The following CACNA2D1 variants were observed in gnomAD, a reference collection of about 807,000 sequenced individuals.
CACNA2D1 encodes the protein voltage-dependent calcium channel subunit alpha-2/delta-1.
CACNA2D1 carries 53 observed loss-of-function variants against 171.5 expected under a neutral mutation model. That is an observed-to-expected ratio of 0.31 (90% CI 0.25 to 0.39). The LOEUF is 0.39. CACNA2D1 is among the 10% of genes least tolerant of loss of function. CACNA2D1 has a pLI of 1.00. For synonymous variants in CACNA2D1, 442 were observed against 443.1 expected (o/e 1.00, Z 0.03); for missense variants, 903 against 1,299.8 (o/e 0.69, Z 4.69).
intron 1 of CACNA2D1, among the ~76,000 whole-genome samples, chr7:82,376,444 G>A (rs1396413313): frequency 6.6e-6 from 1 of 152,068 alleles, no homozygotes; most frequent in African/African-American, 2.4e-5. Flanking sequence ...ACAACCATGA[G>A]ATAAAATATA....
chr7:82,158,547 T>A (rs1421317004), intron 4 of CACNA2D1, among the ~76,000 whole-genome samples: 1 of 151,942 alleles, frequency 6.6e-6, no homozygotes, highest in African/African-American at 2.4e-5. Flanking sequence ...CATGGGAATA[T>A]CAGTTTGTAA....
rs60799157 is a variant in CACNA2D1 at position 82,342,053 on chromosome 7, C to CAA, written c.178-6804_178-6803dup. Among the ~76,000 whole-genome samples the CAA allele has an allele frequency of 8.2e-3, 538 of 65,424 alleles. 22 individuals carry two copies. Among genetic ancestry groups the CAA allele is most frequent in the African/African-American group, 0.011 (202 of 18,378 alleles). The allele number at this position is 65,424 out of a possible 152,430, so 42.9% of individuals were successfully genotyped here. A position where few individuals can be genotyped will look rare whatever the true frequency, so the allele number is the denominator to read the frequency against. ...TGGGCTACAGCGCGAGACTCCGTCT[C>CAA]AAAAAAAAAAAAAAAAAAAAAAAAA... On this transcript the variant is annotated intron_variant, in intron 2 of 38. Coordinates refer to ENST00000356860, the MANE Select transcript of CACNA2D1 (RefSeq NM_000722.4).
At position 82,119,356 on chromosome 7, in the gene CACNA2D1, A is replaced by G. The variant is rs1337030345; in HGVS notation, c.397-2183T>C. 2.0e-5 allele frequency among the ~76,000 whole-genome samples: 3 copies of G among 152,316 alleles called. No individual in the cohort carries two copies. The East Asian group carries it at 5.8e-4, about 29-fold the overall frequency. On this transcript the variant is annotated intron_variant, in intron 5 of 38. Transcript: ENST00000356860. ...CATAATTCTCAGACTATTCTTCTCA[A>G]TATAATTTCAGCTATTAAATAATAG...
chr7:82,048,129 G>A (rs1169259150), intron 10 of CACNA2D1, among the ~76,000 whole-genome samples: 1 of 149,578 alleles, frequency 6.7e-6, no homozygotes, highest in Admixed American at 6.6e-5. Context: ...ACATTAAATT[G>A]TATCTGGGAT....
intron 1 of CACNA2D1, among the ~76,000 whole-genome samples, chr7:82,409,696 C>T (rs900881041): frequency 6.6e-6 from 1 of 152,142 alleles, no homozygotes; most frequent in Non-Finnish European, 1.5e-5. Flanking sequence ...AATGTGATTG[C>T]TGAGAGTTCC....
chr7:82,267,359 C>G (rs1306665622), intron 3 of CACNA2D1, among the ~76,000 whole-genome samples: 1 of 152,234 alleles, frequency 6.6e-6, no homozygotes, highest in South Asian at 2.1e-4. Flanking sequence ...GTAGGTCTGA[C>G]TTTCTGATAT....
At chr7:81,962,674 G>T (rs545637462) in intron 34 of CACNA2D1, among the ~76,000 whole-genome samples, 179 bp from the exon 35 acceptor site, 1 of 151,994 alleles carries the variant, frequency 6.6e-6, no homozygotes, top group African/African-American at 2.4e-5. Context: ...ATGTGTAAAA[G>T]AAGTCATGAA....
chr7:82,220,939 C>T (rs766438930), intron 3 of CACNA2D1, among the ~76,000 whole-genome samples: 1 of 151,926 alleles, frequency 6.6e-6, no homozygotes, highest in Admixed American at 6.6e-5. Context: ...CCACCATGCC[C>T]GGCTATTTGT....
chr7:82,305,471 C>G (rs1478334835), intron 3 of CACNA2D1, among the ~76,000 whole-genome samples: 1 of 152,110 alleles, frequency 6.6e-6, no homozygotes, highest in Non-Finnish European at 1.5e-5. Context: ...GGGCCTACAC[C>G]TTACCTGCAG....
At chr7:81,963,005 C>T (rs1794326299) in intron 34 of CACNA2D1, among the ~76,000 whole-genome samples, 1 of 151,600 alleles carries the variant, frequency 6.6e-6, no homozygotes, top group South Asian at 2.1e-4. Flanking sequence ...TAGAGAGATA[C>T]AGCACATTTC....
intron 11 of CACNA2D1, among the ~76,000 whole-genome samples, chr7:82,033,271 A>G (rs935019935): frequency 2.6e-5 from 4 of 152,054 alleles, no homozygotes; most frequent in African/African-American, 9.6e-5. Flanking sequence ...TATTGTTGGT[A>G]TCCCCCAACA....
At chr7:82,393,034 G>GAAGGAAGA (rs1825322923) in intron 1 of CACNA2D1, among the ~76,000 whole-genome samples, 1 of 61,044 alleles carries the variant, frequency 1.6e-5, no homozygotes, top group African/African-American at 1.0e-4. Flanking sequence ...AGAGAGAGAG[G>GAAGGAAGA]AAGGAAGGAA....
At chr7:82,427,410 T>C (rs1472946311) in intron 1 of CACNA2D1, among the ~76,000 whole-genome samples, 1 of 152,116 alleles carries the variant, frequency 6.6e-6, no homozygotes, top group East Asian at 1.9e-4. Flanking sequence ...TTTTAAGAAA[T>C]AGGAGGTGAG....
rs372826170 is a variant in CACNA2D1 at position 82,338,309 on chromosome 7, G to C, written c.178-3058C>G. 2.0e-5 allele frequency among the ~76,000 whole-genome samples: 3 copies of C among 151,916 alleles called. No homozygotes were observed. In the East Asian group the frequency reaches 5.8e-4, roughly 29 times the overall value. On this transcript the variant is annotated intron_variant, in intron 2 of 38. Transcript: ENST00000356860. ...ATATGCTTCCAAACTTTTAGAGGAC[G>C]TAAAAATTTTTTAAATTTTTTATTT...
intron 1 of CACNA2D1, among the ~76,000 whole-genome samples, chr7:82,409,024 C>G (rs1398094163): frequency 2.1e-5 from 3 of 146,136 alleles, no homozygotes; most frequent in Non-Finnish European, 4.5e-5. Context: ...AGTTGTCACT[C>G]TTTTTTTTTT....
At chr7:82,090,170 A>C (rs1563030290) in intron 6 of CACNA2D1, among the ~76,000 whole-genome samples, 1 of 152,152 alleles carries the variant, frequency 6.6e-6, no homozygotes, top group African/African-American at 2.4e-5. Context: ...AGAAAATTAC[A>C]ATACAATATT....
At chr7:82,138,433 TTTTTTTG>T (rs1791946435) in intron 4 of CACNA2D1, among the ~76,000 whole-genome samples, 2 of 71,772 alleles carry the variant, frequency 2.8e-5, no homozygotes, top group East Asian at 6.9e-4. Flanking sequence ...TTAGTTTTGT[TTTTTTTG>T]TTTTTTTTGT....
intron 10 of CACNA2D1, among the ~76,000 whole-genome samples, chr7:82,053,169 G>A (rs368465076): frequency 4.7e-5 from 7 of 150,414 alleles, no homozygotes; most frequent in African/African-American, 1.7e-4. Flanking sequence ...GGAGAATGGC[G>A]TGAACCTGGG....
At chr7:82,414,219 A>T (rs1827950954) in intron 1 of CACNA2D1, among the ~76,000 whole-genome samples, 1 of 152,352 alleles carries the variant, frequency 6.6e-6, no homozygotes, top group South Asian at 2.1e-4. Context: ...ATAGCCTGAT[A>T]TCACATGTAA....
Sources: allele counts gnomAD v4.1 joint callset (sites outside exome capture counted in the v4.1 genomes callset), GRCh38; gene constraint gnomAD v4.1.1; transcripts MANE v1.5; gene names NCBI Gene and HGNC (gene_info 2026-07-23, HGNC 2026-07-21).